GRID2IP: variants seen among roughly 807,000 people sequenced by gnomAD.
GRID2IP encodes Grid2 interacting protein, also known as delphilin.
A neutral mutation model predicts 114.3 loss-of-function variants in GRID2IP; 78 were observed. The observed-to-expected ratio is 0.68, with a 90% CI of 0.57 to 0.82. The LOEUF (loss-of-function observed/expected upper bound fraction) is 0.82. Ranked by LOEUF, GRID2IP falls within the 40% of genes least tolerant of loss-of-function variation. GRID2IP has a pLI of 0.00. For missense variants in GRID2IP, 1,727 were observed against 1,678.5 expected (o/e 1.03, Z -0.51); for synonymous variants, 809 against 724.0 (o/e 1.12, Z -1.89).
chr7:6,526,329 C>G lies in GRID2IP; in HGVS notation c.834-20G>C. The G allele has an allele frequency of 1.9e-6, 3 of 1,548,880 alleles. No individual in the cohort carries two copies. Among genetic ancestry groups the G allele is most frequent in the Non-Finnish European group, 2.6e-6 (3 of 1,144,514 alleles). On this transcript the variant is annotated intron_variant, in intron 3 of 21. Transcript: ENST00000457091. This position sits in a 1 kb window ranked among gnomAD's most constrained non-coding sequence, Gnocchi z 7.6. Reference sequence around the variant, plus strand: ...ACAGTCCTGGGGGAAAAAGAAGGGGCGAGCAGCATGATGGAGAGGGGGCCC... The same window carrying G: ...ACAGTCCTGGGGGAAAAAGAAGGGGGGAGCAGCATGATGGAGAGGGGGCCC...
At chr7:6,530,309 G>A (rs553003975) in intron 2 of GRID2IP, among the ~76,000 whole-genome samples, 3 of 150,566 alleles carry the variant, frequency 2.0e-5, no homozygotes, top group East Asian at 2.0e-4. Context: ...TGTCGCCCAG[G>A]ATGGAGTGCA....
At position 6,526,696 on chromosome 7, in the gene GRID2IP, G is replaced by A. The variant is rs777500255; in HGVS notation, c.658C>T (p.Arg220Cys). The change falls in exon 3 of 22, where the codon CGC becomes TGC. Residue 220 changes from arginine to cysteine, a missense_variant. By Grantham distance (180) the Arg-to-Cys change is radical. Transcript: ENST00000457091. This position sits in a 1 kb window ranked among gnomAD's most constrained non-coding sequence, Gnocchi z 7.6. ...TGCGCGCCCTGGGCCCGGCGTGCGC[G>A]GCACAGCTTGCCCAGGAGGCCCTGA... ...VSQGLLGKLCRARRAQGAQRL... is the reference protein window; with the variant it reads ...VSQGLLGKLCCARRAQGAQRL... 1.4e-5 allele frequency: 21 copies of A among 1,498,730 alleles called. No individual in the cohort carries two copies. The South Asian group carries it at 2.4e-4, about 17-fold the overall frequency. 92.8% of individuals were successfully genotyped at this position (1,498,730 alleles called of 1,614,324 possible). A position where few individuals can be genotyped will look rare whatever the true frequency, so the allele number is the denominator to read the frequency against.
intron 2 of GRID2IP, among the ~76,000 whole-genome samples, chr7:6,530,173 C>G (rs1039603661): frequency 6.6e-6 from 1 of 151,662 alleles, no homozygotes; most frequent in African/African-American, 2.4e-5. Flanking sequence ...TTAGCCAGAA[C>G]GGTCTCAATT....
At chr7:6,515,787 AAAAT>A (rs1455432420) in intron 7 of GRID2IP, among the ~76,000 whole-genome samples, 1 of 152,052 alleles carries the variant, frequency 6.6e-6, no homozygotes, top group African/African-American at 2.4e-5. Flanking sequence ...CTGTCTCAAA[AAAAT>A]AAATAAATAA....
intron 10 of GRID2IP, 92 bp from the exon 11 acceptor site, chr7:6,510,492 T>C: frequency 2.3e-6 from 3 of 1,304,058 alleles, no homozygotes; most frequent in Non-Finnish European, 2.1e-6. Context: ...GGCAGGGATA[T>C]GCCCCAGCCT....
At chr7:6,515,265 C>T (rs948996711) in intron 7 of GRID2IP, among the ~76,000 whole-genome samples, 2 of 152,040 alleles carry the variant, frequency 1.3e-5, no homozygotes, top group Admixed American at 6.6e-5. Context: ...AGTTCAAGAC[C>T]AGTCTGGCCA....
At chr7:6,544,490 A>G (rs943056993) in intron 1 of GRID2IP, among the ~76,000 whole-genome samples, 6 of 151,246 alleles carry the variant, frequency 4.0e-5, no homozygotes, top group African/African-American at 1.5e-4. Context: ...CATGTTGGCC[A>G]GGCAGTCTCG....
At chr7:6,503,403 A>G (rs1290467608) in intron 16 of GRID2IP, 88 bp downstream of exon 16, 11 of 1,308,244 alleles carry the variant, frequency 8.4e-6, no homozygotes, top group East Asian at 2.7e-5. Flanking sequence ...CGGCCCCCGA[A>G]GGCGCGCGGG....
intron 2 of GRID2IP, among the ~76,000 whole-genome samples, chr7:6,537,370 CTTTTT>C (rs772469574): frequency 1.2e-4 from 7 of 58,354 alleles, no homozygotes; most frequent in Non-Finnish European, 2.2e-4. Context: ...ATGGTGAGAC[CTTTTT>C]TTTTTTTTTT....
Position 6,521,807 on chromosome 7 carries a change from T to C in GRID2IP, c.989+81A>G. The C allele has an allele frequency of 9.5e-7, 1 of 1,053,844 alleles. No individual in the cohort carries two copies. The highest frequency in any genetic ancestry group is 1.4e-6 in the Non-Finnish European group (1 of 699,972). 65.3% of individuals were successfully genotyped at this position (1,053,844 alleles called of 1,614,324 possible). A position where few individuals can be genotyped will look rare whatever the true frequency, so the allele number is the denominator to read the frequency against. ...GTGAGAGGAGATTGTGATCACAGCC[T>C]GGGTGCCCCAAGAGGCAGGAGTCTT... On this transcript the variant is annotated intron_variant, in intron 5 of 21. Transcript: ENST00000457091. This position sits in a 1 kb window ranked among gnomAD's most constrained non-coding sequence, Gnocchi z 4.1.
Position 6,532,302 on chromosome 7 carries a change from G to A in GRID2IP, c.585-5533C>T, listed in dbSNP as rs1779644249. ...CCCCCAACCAGAACATCAGCATGAA[G>A]CCCTCTCCAAAGACAGGCGGGAACA... On this transcript the variant is annotated intron_variant, in intron 2 of 21. Coordinates refer to ENST00000457091, the MANE Select transcript of GRID2IP (RefSeq NM_001145118.2). The surrounding 1 kb of genome is among the most constrained non-coding windows in gnomAD (Gnocchi z 4.4). Among the ~76,000 whole-genome samples the A allele has an allele frequency of 6.6e-6, 1 of 152,152 alleles. No individual in the cohort carries two copies. The highest frequency in any genetic ancestry group is 1.9e-4 in the East Asian group (1 of 5,190).
At chr7:6,522,807 A>ATGTGTG (rs72277817) in intron 4 of GRID2IP, among the ~76,000 whole-genome samples, 3,859 of 147,648 alleles carry the variant, frequency 0.026, 82 homozygotes, top group African/African-American at 0.062. Flanking sequence ...CCTGGCTAAT[A>ATGTGTG]TGTGTGTGTG....
chr7:6,510,132 C>T (rs1786723942), intron 11 of GRID2IP, 151 bp downstream of exon 11: 3 of 521,186 alleles, frequency 5.8e-6, no homozygotes, highest in Non-Finnish European at 9.9e-6. Flanking sequence ...ACCCAGGCTA[C>T]TTTCTTGATC....
chr7:6,497,945 G>C, intron 21 of GRID2IP, 100 bp from the exon 22 acceptor site: 2 of 1,403,396 alleles, frequency 1.4e-6, no homozygotes, highest in Non-Finnish European at 1.9e-6. Context: ...CAGGGGGTTA[G>C]GGGGACATGT....
Position 6,508,448 on chromosome 7 carries a change from G to T in GRID2IP, c.2128-47C>A. On this transcript the variant is annotated intron_variant, in intron 12 of 21. Transcript: ENST00000457091. The surrounding 1 kb of genome is among the most constrained non-coding windows in gnomAD (Gnocchi z 5.6). ...AGGGGAGGGTGAGGCTGGGCCCAGAGAGACTAGAGCAGGTGCAAAGTGAAG... is the reference window on the plus strand; with the variant it reads ...AGGGGAGGGTGAGGCTGGGCCCAGATAGACTAGAGCAGGTGCAAAGTGAAG... 1 of 1,549,138 alleles carries T rather than the reference G, an allele frequency of 6.5e-7. No homozygotes were observed. Among genetic ancestry groups the T allele is most frequent in the South Asian group, 1.2e-5 (1 of 83,864 alleles).
At position 6,508,034 on chromosome 7, in the gene GRID2IP, C is replaced by T. The variant is rs1490386184; in HGVS notation, c.2495G>A (p.Arg832His). 3.2e-6 allele frequency: 5 copies of T among 1,549,094 alleles called. No individual in the cohort carries two copies. Among genetic ancestry groups the T allele is most frequent in the Admixed American group, 3.9e-5 (2 of 50,914 alleles). Residue 832 changes from arginine to histidine, a missense_variant, in exon 13 of 22, where the codon CGC (arginine) becomes CAC (histidine). Physicochemically the swap from Arg to His is conservative, Grantham distance 29. Transcript: ENST00000457091. This position sits in a 1 kb window ranked among gnomAD's most constrained non-coding sequence, Gnocchi z 5.6. ...GTTCTCCACCTGTTCCCACCGCAAG[C>T]GCTTGACGCTCATGTGGCTGGTCTC... The part of the protein sequence containing the change: ...RSETSHMSVK[R>H]LRWEQVENSE...
chr7:6,513,231 T>A (rs1264624672), intron 8 of GRID2IP, among the ~76,000 whole-genome samples: 1 of 151,890 alleles, frequency 6.6e-6, no homozygotes, highest in Non-Finnish European at 1.5e-5. Context: ...AGTTTCTTTC[T>A]TTTTTCTTTT....
intron 1 of GRID2IP, among the ~76,000 whole-genome samples, chr7:6,545,121 A>G (rs544636451): frequency 6.6e-5 from 10 of 151,902 alleles, no homozygotes; most frequent in Non-Finnish European, 1.5e-4. Context: ...AAAAGTAAAA[A>G]GTTAGCCAGA....
chr7:6,551,119 C>A lies in GRID2IP; in HGVS notation c.318G>T (p.Arg106=). 2.3e-6 allele frequency: 3 copies of A among 1,298,576 alleles called. No individual in the cohort carries two copies. Among genetic ancestry groups the A allele is most frequent in the East Asian group, 3.3e-5 (1 of 30,612 alleles). 80.4% of individuals were successfully genotyped at this position (1,298,576 alleles called of 1,614,324 possible). Residue 106 remains arginine, a synonymous_variant, in exon 1 of 22, where the codon CGG becomes CGT. Coordinates refer to ENST00000457091, the MANE Select transcript of GRID2IP (RefSeq NM_001145118.2). ...GGCCCAGAGCTAGGCCGCGGCCGCA[C>A]CGCGGGGCCCGCAAGACTGTGGTCG... ...AAPTTVLRAP[R]CGRGLALGRE...
Sources: allele counts gnomAD v4.1 joint callset (sites outside exome capture counted in the v4.1 genomes callset), GRCh38; gene constraint gnomAD v4.1.1; non-coding constraint Gnocchi (gnomAD v3.1); transcripts MANE v1.5; gene names NCBI Gene and HGNC (gene_info 2026-07-23, HGNC 2026-07-21).